The following LRRIQ3 variants were observed in gnomAD, a reference collection of about 807,000 sequenced individuals.
LRRIQ3 encodes leucine-rich repeat and IQ domain-containing protein 3.
A neutral mutation model predicts 59.3 loss-of-function variants in LRRIQ3; 75 were observed. That is an observed-to-expected ratio of 1.26 (90% CI 1.05 to 1.53). The LOEUF (loss-of-function observed/expected upper bound fraction) is 1.53. LRRIQ3 is among the 40% of genes most tolerant of loss of function. The probability of loss-of-function intolerance (pLI) is 0.00; values close to 1 mark genes in which losing one functional copy is unlikely to be tolerated. For missense variants in LRRIQ3, 831 were observed against 710.0 expected, an observed-to-expected ratio of 1.17 and a Z score of -1.94; for synonymous variants, 250 against 231.3, an observed-to-expected ratio of 1.08 and a Z score of -0.73.
chr1:74,059,606 G>T (rs1216695671), intron 6 of LRRIQ3, among the ~76,000 whole-genome samples: 6 of 151,928 alleles, frequency 3.9e-5, no homozygotes, highest in Non-Finnish European at 8.8e-5. Flanking sequence ...CTGTAGCTTT[G>T]CAGTAAGTTT....
chr1:74,100,084 G>A (rs1034477061), intron 5 of LRRIQ3, among the ~76,000 whole-genome samples: 1 of 152,062 alleles, frequency 6.6e-6, no homozygotes, highest in African/African-American at 2.4e-5. Flanking sequence ...AAGAAATAAA[G>A]GGTATTCAAT....
In LRRIQ3 at chr1:74,183,497, G is replaced by C. The variant is rs1175026206; in HGVS notation, c.188C>G (p.Thr63Arg). 4 of 1,610,132 alleles carry C rather than the reference G, an allele frequency of 2.5e-6. No individual in the cohort carries two copies. In the East Asian group the frequency reaches 9.0e-5, roughly 36 times the overall value. Residue 63 changes from threonine (T) to arginine (R), a missense_variant, in exon 2 of 8, where the codon ACA becomes AGA. Physicochemically the swap from Thr to Arg is moderately conservative, Grantham distance 71. Transcript: ENST00000354431. Reference sequence around the variant, plus strand: ...ACAACTTTGAAGTGGATGAATATCTGTAATAAAATTGTTTGAGAAGATGCA... The same window carrying C: ...ACAACTTTGAAGTGGATGAATATCTCTAATAAAATTGTTTGAGAAGATGCA... ...RVCIFSNNFI[T>R]DIHPLQSCIK...
intron 4 of LRRIQ3, among the ~76,000 whole-genome samples, chr1:74,145,018 G>T (rs554681906): frequency 3.9e-4 from 60 of 152,008 alleles, no homozygotes; most frequent in Admixed American, 3.5e-3. Context: ...ATGATAATAT[G>T]ATCTATGCAT....
intron 1 of LRRIQ3, among the ~76,000 whole-genome samples, chr1:74,191,125 T>C (rs1650740781): frequency 6.6e-6 from 1 of 152,156 alleles, no homozygotes; most frequent in South Asian, 2.1e-4. Context: ...ACAAAATTAA[T>C]TGAATGCCTA....
At chr1:74,151,262 C>T (rs1288435381) in intron 4 of LRRIQ3, among the ~76,000 whole-genome samples, 2 of 151,884 alleles carry the variant, frequency 1.3e-5, no homozygotes, top group East Asian at 3.9e-4. Context: ...GTGATCTGCC[C>T]ACCTCAGCCT....
chr1:74,196,004 T>TA (rs1281571111), intron 1 of LRRIQ3, among the ~76,000 whole-genome samples: 1 of 151,122 alleles, frequency 6.6e-6, no homozygotes, highest in Admixed American at 6.6e-5. Flanking sequence ...ATTTTTTAAT[T>TA]TTTTTTTTAC....
chr1:74,128,301 G>T (rs138684741), intron 4 of LRRIQ3, among the ~76,000 whole-genome samples: 78 of 151,626 alleles, frequency 5.1e-4, no homozygotes, highest in African/African-American at 1.8e-3. Context: ...TCATTTTTTT[G>T]TCTCCTCTGT....
At chr1:74,055,126 CACAT>C (rs201424924) in intron 6 of LRRIQ3, among the ~76,000 whole-genome samples, 1,600 of 147,606 alleles carry the variant, frequency 0.011, 41 homozygotes, top group East Asian at 0.052. Flanking sequence ...GACATGTATG[CACAT>C]ACATACACAT....
intron 4 of LRRIQ3, among the ~76,000 whole-genome samples, chr1:74,113,362 A>G (rs907371899): frequency 5.3e-5 from 8 of 152,058 alleles, no homozygotes; most frequent in African/African-American, 1.9e-4. Context: ...CAGAAAATAA[A>G]TATTATAATA....
intron 3 of LRRIQ3, among the ~76,000 whole-genome samples, chr1:74,156,927 G>A (rs1648367310): frequency 6.6e-6 from 1 of 151,938 alleles, no homozygotes; most frequent in Admixed American, 6.6e-5. Flanking sequence ...CATTGTTCAT[G>A]AAGCACCTCT....
chr1:74,051,897 A>G lies in LRRIQ3; in HGVS notation c.998-9964T>C, dbSNP rs1265014711. Reference sequence around the variant, plus strand: ...CCTGTCTGGTAATTTTAGGTAGAACAAAATATTTAAACCAATTTCATACCT... The same window carrying G: ...CCTGTCTGGTAATTTTAGGTAGAACGAAATATTTAAACCAATTTCATACCT... On this transcript the variant is annotated intron_variant, in intron 6 of 7. Transcript: ENST00000354431. 1.3e-5 allele frequency among the ~76,000 whole-genome samples: 2 copies of G among 152,154 alleles called. 1 individual carries two copies. Among genetic ancestry groups the G allele is most frequent in the South Asian group, 4.1e-4 (2 of 4,836 alleles).
At chr1:74,044,505 G>T (rs983871583) in intron 6 of LRRIQ3, among the ~76,000 whole-genome samples, 1 of 151,936 alleles carries the variant, frequency 6.6e-6, no homozygotes, top group African/African-American at 2.4e-5. Context: ...ATGCCCACAG[G>T]AGAAAGCAAA....
At chr1:74,034,330 G>A (rs1653805832) in intron 7 of LRRIQ3, among the ~76,000 whole-genome samples, 1 of 151,874 alleles carries the variant, frequency 6.6e-6, no homozygotes, top group African/African-American at 2.4e-5. Context: ...GATGCCTACT[G>A]GAACATACTA....
At chr1:74,096,552 A>G (rs994128380) in intron 5 of LRRIQ3, among the ~76,000 whole-genome samples, 2 of 152,166 alleles carry the variant, frequency 1.3e-5, no homozygotes, top group East Asian at 1.9e-4. Flanking sequence ...GCAACTCGTT[A>G]AAGTCATTCT....
chr1:74,114,231 T>G (rs984574473), intron 4 of LRRIQ3, among the ~76,000 whole-genome samples: 2 of 152,020 alleles, frequency 1.3e-5, no homozygotes, highest in African/African-American at 4.8e-5. Flanking sequence ...TATCCATTCA[T>G]CTTTTAGTTT....
At chr1:74,058,791 T>C (rs2100436783) in intron 6 of LRRIQ3, among the ~76,000 whole-genome samples, 1 of 152,200 alleles carries the variant, frequency 6.6e-6, no homozygotes, top group East Asian at 1.9e-4. Context: ...TTGATCACTG[T>C]GCAATGTATA....
chr1:74,107,704 A>C (rs1167671850), intron 5 of LRRIQ3, among the ~76,000 whole-genome samples: 1 of 150,956 alleles, frequency 6.6e-6, no homozygotes, highest in Non-Finnish European at 1.5e-5. Flanking sequence ...ATTTTATATA[A>C]AGAAACTATT....
chr1:74,076,972 G>A (rs1042144262), intron 5 of LRRIQ3, among the ~76,000 whole-genome samples: 1 of 151,950 alleles, frequency 6.6e-6, no homozygotes, highest in Non-Finnish European at 1.5e-5. Context: ...ATTTTTCAAT[G>A]TTGCCAAGGA....
chr1:74,082,420 G>GA (rs1372877506), intron 5 of LRRIQ3: 1 of 151,482 alleles, frequency 6.6e-6, no homozygotes, highest in Non-Finnish European at 1.5e-5. Flanking sequence ...TTGCAATTCT[G>GA]AAAAGTTCAT....
Sources: allele counts gnomAD v4.1 joint callset (sites outside exome capture counted in the v4.1 genomes callset), GRCh38; gene constraint gnomAD v4.1.1; transcripts MANE v1.5; gene names NCBI Gene and HGNC (gene_info 2026-07-23, HGNC 2026-07-21).